The following KCNG2 variants were observed in gnomAD, a reference collection of about 807,000 sequenced individuals.
KCNG2 encodes potassium voltage-gated channel modifier subfamily G member 2.
KCNG2 carries 7 observed loss-of-function variants against 12.3 expected under a neutral mutation model. That is an observed-to-expected ratio of 0.57 (90% CI 0.32 to 1.07). KCNG2 has a LOEUF of 1.07. Ranked by LOEUF, KCNG2 falls within the 50% of genes least tolerant of loss-of-function variation. The pLI is 0.04. For synonymous variants in KCNG2, 414 were observed against 351.4 expected (o/e 1.18, Z -1.99); for missense variants, 703 against 726.0 (o/e 0.97, Z 0.36).
chr18:79,896,499 T>C (rs12966163), intron 3 of KCNG2, among the ~76,000 whole-genome samples: 126,465 of 152,198 alleles, frequency 0.83, 54,930 homozygotes, highest in Non-Finnish European at 0.95. Context: ...ACCATTACAC[T>C]TTTGCTCCCA....
intron 1 of KCNG2, among the ~76,000 whole-genome samples, chr18:79,806,825 A>G (rs2087453297): frequency 6.6e-6 from 1 of 152,238 alleles, no homozygotes; most frequent in Non-Finnish European, 1.5e-5. Context: ...AAATTAATAA[A>G]GAAGAAAATA....
intron 3 of KCNG2, among the ~76,000 whole-genome samples, chr18:79,896,137 T>C (rs1306405934): frequency 6.6e-6 from 1 of 152,220 alleles, no homozygotes; most frequent in African/African-American, 2.4e-5. Flanking sequence ...AGCTAATTTT[T>C]GTATTTTTAG....
intron 1 of KCNG2, among the ~76,000 whole-genome samples, chr18:79,833,605 A>G (rs1490838281): frequency 6.6e-6 from 1 of 152,232 alleles, no homozygotes; most frequent in African/African-American, 2.4e-5. Flanking sequence ...ACAAAGCCCA[A>G]ATCTCTTTGG....
Position 79,899,088 on chromosome 18 carries a change from T to C in KCNG2, c.673T>C (p.Cys225Arg). ...CRSLFVLETVCVAWFSFEFLL... is the reference protein window; with the variant it reads ...CRSLFVLETVRVAWFSFEFLL... ...CAGCCTGTTCGTGCTGGAGACCGTG[T>C]GCGTGGCCTGGTTCTCCTTCGAGTT... The change falls in exon 4 of 4, where the codon TGC becomes CGC. Residue 225 changes from cysteine (C) to arginine (R), a missense_variant. By Grantham distance (180) the Cys-to-Arg change is radical. Coordinates refer to ENST00000316249, the MANE Select transcript of KCNG2 (RefSeq NM_012283.2). 1 of 1,600,212 alleles carries C rather than the reference T, an allele frequency of 6.2e-7. No homozygotes were observed. Among genetic ancestry groups the C allele is most frequent in the Non-Finnish European group, 8.5e-7 (1 of 1,176,476 alleles).
At chr18:79,892,530 C>T (rs1006444519) in intron 3 of KCNG2, among the ~76,000 whole-genome samples, 2 of 152,148 alleles carry the variant, frequency 1.3e-5, no homozygotes, top group African/African-American at 2.4e-5. Flanking sequence ...TCTAATGGTA[C>T]AATTGATATA....
At chr18:79,873,419 G>GCCCCCCCCCCCCC (rs1568266003) in intron 3 of KCNG2, among the ~76,000 whole-genome samples, 1 of 120,320 alleles carries the variant, frequency 8.3e-6, no homozygotes. Flanking sequence ...GCTCCTGCCG[G>GCCCCCCCCCCCCC]CCCCCCTCCC....
chr18:79,864,325 G>C lies in KCNG2; in HGVS notation c.624+34G>C, dbSNP rs755858192. On this transcript the variant is annotated intron_variant, in intron 3 of 3. Coordinates refer to ENST00000316249, the MANE Select transcript of KCNG2 (RefSeq NM_012283.2). ...GGCCGGGGGTGGCGGGGACCGGGCCGGAGCTGGGGCTGGGCTGGGATCTGG... is the reference window on the plus strand; with the variant it reads ...GGCCGGGGGTGGCGGGGACCGGGCCCGAGCTGGGGCTGGGCTGGGATCTGG... 11 of 1,449,600 alleles carry C rather than the reference G, an allele frequency of 7.6e-6. No individual in the cohort carries two copies. In the East Asian group the frequency reaches 3.2e-4, roughly 43 times the overall value. 89.8% of individuals were successfully genotyped at this position (1,449,600 alleles called of 1,614,324 possible).
At chr18:79,888,505 C>T (rs1051950220) in intron 3 of KCNG2, among the ~76,000 whole-genome samples, 4 of 147,970 alleles carry the variant, frequency 2.7e-5, no homozygotes, top group African/African-American at 9.8e-5. Flanking sequence ...CATGAGGCCG[C>T]GGTGGGGCCG....
chr18:79,848,856 G>T (rs1978714460), intron 1 of KCNG2, among the ~76,000 whole-genome samples: 1 of 152,180 alleles, frequency 6.6e-6, no homozygotes, highest in Non-Finnish European at 1.5e-5. Context: ...CTGAGGAGTG[G>T]CCCCGGGCAG....
chr18:79,832,828 A>G (rs956585120), intron 1 of KCNG2, among the ~76,000 whole-genome samples: 3 of 152,162 alleles, frequency 2.0e-5, no homozygotes, highest in Non-Finnish European at 4.4e-5. Flanking sequence ...AAGTAGATAC[A>G]ATCTCTCCTG....
intron 1 of KCNG2, among the ~76,000 whole-genome samples, chr18:79,823,636 G>A (rs1044663398): frequency 9.2e-5 from 14 of 152,054 alleles, no homozygotes; most frequent in Non-Finnish European, 1.8e-4. Context: ...CCCATTTCTC[G>A]ATGGGGTTTT....
At chr18:79,883,281 C>T (rs1228117152) in intron 3 of KCNG2, among the ~76,000 whole-genome samples, 1 of 148,184 alleles carries the variant, frequency 6.7e-6, no homozygotes, top group Non-Finnish European at 1.5e-5. Context: ...CAGGGAACGG[C>T]GGGGGGAAGC....
At chr18:79,868,881 G>A (rs937785635) in intron 3 of KCNG2, among the ~76,000 whole-genome samples, 3 of 152,238 alleles carry the variant, frequency 2.0e-5, no homozygotes, top group Admixed American at 6.5e-5. Context: ...TGGAGAGCAC[G>A]TGGGTGCGAG....
At position 79,855,914 on chromosome 18, in the gene KCNG2, C is replaced by G. The variant is rs117991824; in HGVS notation, c.-114-465C>G. Among the ~76,000 whole-genome samples, 104 of 152,216 alleles carry G rather than the reference C, an allele frequency of 6.8e-4. 1 individual carries two copies. The East Asian group carries it at 0.02, about 29-fold the overall frequency. On this transcript the variant is annotated intron_variant, in intron 1 of 3. Coordinates refer to ENST00000316249, the MANE Select transcript of KCNG2 (RefSeq NM_012283.2). ...TTTTTTCATATGTTGGAAGCCTTTTCCCCCTTTGATGTGAACTTTATGTCA... is the reference window on the plus strand; with the variant it reads ...TTTTTTCATATGTTGGAAGCCTTTTGCCCCTTTGATGTGAACTTTATGTCA...
At chr18:79,878,211 C>T (rs1416060710) in intron 3 of KCNG2, among the ~76,000 whole-genome samples, 1 of 152,244 alleles carries the variant, frequency 6.6e-6, no homozygotes, top group Non-Finnish European at 1.5e-5. Context: ...GTTGAGACTT[C>T]AGTGTAGATC....
intron 1 of KCNG2, among the ~76,000 whole-genome samples, chr18:79,833,300 T>TA (rs1315786460): frequency 6.6e-6 from 1 of 152,158 alleles, no homozygotes; most frequent in Non-Finnish European, 1.5e-5. Context: ...CACACCTGGC[T>TA]AATTTCTTGT....
At chr18:79,831,713 TGCGGACAGAGCCTTCATCAGGAGGGTTCC>T (rs1978297043) in intron 1 of KCNG2, among the ~76,000 whole-genome samples, 1 of 67,992 alleles carries the variant, frequency 1.5e-5, no homozygotes, top group African/African-American at 5.8e-5. Context: ...GAGGGTTCCC[TGCGGACAGAGCCTTCATCAGGAGGGTTCC>T]CTGCGGACAG....
intron 1 of KCNG2, among the ~76,000 whole-genome samples, chr18:79,851,383 C>T (rs1246256339): frequency 6.6e-6 from 1 of 152,192 alleles, no homozygotes; most frequent in East Asian, 1.9e-4. Flanking sequence ...CCATAAGCAT[C>T]TAGAGTCTAG....
At chr18:79,864,536 T>G (rs1258869296) in intron 3 of KCNG2, among the ~76,000 whole-genome samples, 3 of 152,204 alleles carry the variant, frequency 2.0e-5, no homozygotes, top group Non-Finnish European at 4.4e-5. Context: ...AGGCTCCAAG[T>G]TACATTCGGT....
Sources: gnomAD v4.1 joint callset for allele counts (sites outside exome capture counted in the v4.1 genomes callset) on GRCh38, gnomAD v4.1.1 for gene constraint, MANE v1.5 for transcripts, NCBI Gene and HGNC (gene_info 2026-07-23, HGNC 2026-07-21) for gene names.